Variants in MCTP1 observed in about 807,000 individuals in gnomAD.
MCTP1 encodes multiple C2 and transmembrane domain containing 1.
A neutral mutation model predicts 120.6 loss-of-function variants in MCTP1; 69 were observed. The observed-to-expected ratio is 0.57, with a 90% CI of 0.47 to 0.70. The LOEUF is 0.70. MCTP1 is among the 30% of genes least tolerant of loss of function. MCTP1 has a pLI of 0.00. For synonymous variants in MCTP1, 529 were observed against 493.1 expected (o/e 1.07, Z -0.96); for missense variants, 1,203 against 1,248.8 (o/e 0.96, Z 0.55).
intron 10 of MCTP1, among the ~76,000 whole-genome samples, chr5:94,904,978 G>A (rs1313920393): frequency 1.3e-5 from 2 of 152,190 alleles, no homozygotes; most frequent in Admixed American, 6.5e-5. Context: ...GCCATATGGT[G>A]GTTGCTTTAA....
chr5:94,818,761 G>A (rs868266532), intron 17 of MCTP1, among the ~76,000 whole-genome samples: 9 of 152,084 alleles, frequency 5.9e-5, no homozygotes, highest in Non-Finnish European at 8.8e-5. Flanking sequence ...TCTGTGTTCT[G>A]GCAAGTGTGA....
chr5:95,071,109 G>A (rs1752034140), intron 1 of MCTP1, among the ~76,000 whole-genome samples: 1 of 152,188 alleles, frequency 6.6e-6, no homozygotes, highest in Non-Finnish European at 1.5e-5. Flanking sequence ...GCACATCTGA[G>A]CAGCAATTCA....
chr5:94,723,965 A>G (rs1299164119), intron 19 of MCTP1, among the ~76,000 whole-genome samples: 1 of 152,146 alleles, frequency 6.6e-6, no homozygotes, highest in African/African-American at 2.4e-5. Context: ...ACACGGAAAG[A>G]GATACTCTAA....
At chr5:94,933,899 A>C (rs1356787495) in intron 5 of MCTP1, among the ~76,000 whole-genome samples, 1 of 151,812 alleles carries the variant, frequency 6.6e-6, no homozygotes, top group Non-Finnish European at 1.5e-5. Context: ...GCATGGTTTT[A>C]TTTTTCAGAT....
intron 20 of MCTP1, among the ~76,000 whole-genome samples, chr5:94,712,917 G>A (rs561723388): frequency 1.3e-5 from 2 of 152,018 alleles, no homozygotes; most frequent in African/African-American, 2.4e-5. Context: ...AGAACTCCCT[G>A]TGTTCTCCTT....
chr5:94,766,312 G>T (rs1469123254), intron 19 of MCTP1, among the ~76,000 whole-genome samples: 1 of 152,126 alleles, frequency 6.6e-6, no homozygotes, highest in Non-Finnish European at 1.5e-5. Flanking sequence ...AGAAAATGTG[G>T]CACATATACA....
At chr5:95,268,510 C>A (rs1474024230) in intron 1 of MCTP1, among the ~76,000 whole-genome samples, 3 of 152,302 alleles carry the variant, frequency 2.0e-5, no homozygotes, top group Non-Finnish European at 4.4e-5. Context: ...AGGAAATAGA[C>A]ACGAACCTTC....
At chr5:95,035,230 G>A (rs925057229) in intron 1 of MCTP1, among the ~76,000 whole-genome samples, 8 of 151,720 alleles carry the variant, frequency 5.3e-5, no homozygotes, top group South Asian at 2.1e-4. Context: ...CCATCTACCC[G>A]AAGGAAAAAT....
chr5:95,277,257 A>C (rs765267573), intron 1 of MCTP1, among the ~76,000 whole-genome samples: 5 of 152,118 alleles, frequency 3.3e-5, no homozygotes, highest in Non-Finnish European at 5.9e-5. Flanking sequence ...TCCATCCTCC[A>C]TGGGAGCACA....
intron 1 of MCTP1, among the ~76,000 whole-genome samples, chr5:95,063,911 A>T (rs1167951231): frequency 6.6e-6 from 1 of 152,192 alleles, no homozygotes; most frequent in East Asian, 1.9e-4. Flanking sequence ...TAACAAGTCA[A>T]ATAACTCCAC....
At chr5:95,189,271 A>C (rs779705787) in intron 1 of MCTP1, among the ~76,000 whole-genome samples, 1 of 152,172 alleles carries the variant, frequency 6.6e-6, no homozygotes, top group Non-Finnish European at 1.5e-5. Flanking sequence ...AAAAAAATTA[A>C]AGAGTTGGTG....
chr5:94,985,037 A>C (rs1015140821), intron 2 of MCTP1, among the ~76,000 whole-genome samples: 5 of 152,228 alleles, frequency 3.3e-5, no homozygotes, highest in African/African-American at 1.2e-4. Flanking sequence ...GATAAAACTA[A>C]TTAAAATATC....
At chr5:94,971,249 A>G (rs1269908447) in intron 2 of MCTP1, among the ~76,000 whole-genome samples, 1 of 152,148 alleles carries the variant, frequency 6.6e-6, no homozygotes, top group Non-Finnish European at 1.5e-5. Flanking sequence ...TGAATTTTCT[A>G]GGAAACTAAA....
At chr5:95,188,508 G>A (rs1029691436) in intron 1 of MCTP1, among the ~76,000 whole-genome samples, 8 of 152,260 alleles carry the variant, frequency 5.3e-5, no homozygotes, top group Non-Finnish European at 8.8e-5. Context: ...AACAACCTTC[G>A]ATGGGAAGGA....
intron 1 of MCTP1, among the ~76,000 whole-genome samples, chr5:95,111,276 CT>C (rs1757432367): frequency 6.6e-6 from 1 of 152,176 alleles, no homozygotes; most frequent in Admixed American, 6.5e-5. Context: ...GATGATAGTG[CT>C]TTCTCCAAAG....
chr5:94,999,597 G>C (rs1833270958), intron 2 of MCTP1, among the ~76,000 whole-genome samples: 1 of 152,010 alleles, frequency 6.6e-6, no homozygotes, highest in Non-Finnish European at 1.5e-5. Flanking sequence ...ATTTGCAAAG[G>C]CTCAATTAAA....
At chr5:95,178,607 C>T (rs1748277492) in intron 1 of MCTP1, among the ~76,000 whole-genome samples, 1 of 152,140 alleles carries the variant, frequency 6.6e-6, no homozygotes, top group South Asian at 2.1e-4. Context: ...TCAGGAAGCC[C>T]CATCCCTAGG....
chr5:95,078,144 G>A (rs1754094100), intron 1 of MCTP1, among the ~76,000 whole-genome samples: 1 of 151,794 alleles, frequency 6.6e-6, no homozygotes, highest in Non-Finnish European at 1.5e-5. Flanking sequence ...GAGTCTCTGG[G>A]GAAAGCAAAT....
At chr5:95,068,310 G>A (rs6864293) in intron 1 of MCTP1, among the ~76,000 whole-genome samples, 47 of 152,140 alleles carry the variant, frequency 3.1e-4, no homozygotes, top group African/African-American at 1.1e-3. Flanking sequence ...GAGAAGAGAG[G>A]AGACAGAGAA....
Sources: gnomAD v4.1 joint callset for allele counts (sites outside exome capture counted in the v4.1 genomes callset) on GRCh38, gnomAD v4.1.1 for gene constraint, MANE v1.5 for transcripts, NCBI Gene and HGNC (gene_info 2026-07-23, HGNC 2026-07-21) for gene names.